Variants in ACTR3 observed in about 807,000 individuals in gnomAD.
The protein encoded by ACTR3 is actin related protein 3.
A neutral mutation model predicts 56.8 loss-of-function variants in ACTR3; 12 were observed. That is an observed-to-expected ratio of 0.21 (90% CI 0.14 to 0.34). The LOEUF (loss-of-function observed/expected upper bound fraction) is 0.34. ACTR3 is among the 10% of genes least tolerant of loss of function. The pLI is 1.00. For synonymous variants in ACTR3, 162 were observed against 167.4 expected (o/e 0.97, Z 0.25); for missense variants, 282 against 512.5 (o/e 0.55, Z 4.34).
chr2:113,911,294 G>T (rs1048831582), intron 1 of ACTR3, among the ~76,000 whole-genome samples: 2 of 143,114 alleles, frequency 1.4e-5, no homozygotes, highest in Non-Finnish European at 1.5e-5. Flanking sequence ...TTTGTTTTTC[G>T]TTTTTTTTTT....
rs1047495549 is a variant in ACTR3 at position 113,960,354 on chromosome 2, G to A, written c.*2899G>A. Reference sequence around the variant, plus strand: ...TCAGACCCCCCAATACAATTTTTTGGTTTGTTTTCACAGCTACTTAAAAGA... The same window carrying A: ...TCAGACCCCCCAATACAATTTTTTGATTTGTTTTCACAGCTACTTAAAAGA... On this transcript the variant is annotated 3_prime_UTR_variant, in exon 12 of 12. Transcript: ENST00000263238. The A allele has an allele frequency of 7.9e-5, 12 of 151,874 alleles. No homozygotes were observed. Among genetic ancestry groups the A allele is most frequent in the African/African-American group, 2.4e-4 (10 of 41,488 alleles). The allele number at this position is 151,874 out of a possible 1,614,324, so 9.4% of individuals were successfully genotyped here.
intron 4 of ACTR3, among the ~76,000 whole-genome samples, chr2:113,928,639 T>C (rs1183957972): frequency 6.6e-6 from 1 of 152,196 alleles, no homozygotes; most frequent in Non-Finnish European, 1.5e-5. Flanking sequence ...TCAGCTGTGC[T>C]GTTGTAGCAT....
At chr2:113,923,371 T>C (rs1679548350) in intron 3 of ACTR3, among the ~76,000 whole-genome samples, 1 of 152,034 alleles carries the variant, frequency 6.6e-6, no homozygotes, top group Non-Finnish European at 1.5e-5. Context: ...GGAGCCTGGC[T>C]CTGTCGCCCA....
intron 6 of ACTR3, among the ~76,000 whole-genome samples, chr2:113,935,918 G>A (rs1679816341): frequency 6.6e-6 from 1 of 152,116 alleles, no homozygotes; most frequent in African/African-American, 2.4e-5. Flanking sequence ...AGTACTATCA[G>A]CATGTTGATA....
intron 1 of ACTR3, among the ~76,000 whole-genome samples, chr2:113,908,148 T>C (rs897526645): frequency 7.9e-5 from 12 of 151,936 alleles, no homozygotes; most frequent in Non-Finnish European, 1.6e-4. Context: ...TATTTGAACT[T>C]TGTGTCACTG....
intron 4 of ACTR3, among the ~76,000 whole-genome samples, chr2:113,931,003 C>T (rs750739018): frequency 6.6e-6 from 1 of 152,136 alleles, no homozygotes; most frequent in Non-Finnish European, 1.5e-5. Flanking sequence ...TTCCCTACCT[C>T]CAACCCTCTC....
intron 4 of ACTR3, among the ~76,000 whole-genome samples, chr2:113,928,618 G>A (rs1025059780): frequency 3.3e-5 from 5 of 152,142 alleles, no homozygotes; most frequent in African/African-American, 1.2e-4. Flanking sequence ...AATGGTCCCT[G>A]TCACAGCTAC....
At chr2:113,897,667 T>C (rs976214960) in intron 1 of ACTR3, among the ~76,000 whole-genome samples, 15 of 151,792 alleles carry the variant, frequency 9.9e-5, no homozygotes, top group East Asian at 3.9e-4. Flanking sequence ...GCTGGAATTA[T>C]AGGCACCCGC....
chr2:113,902,375 T>A (rs181581494), intron 1 of ACTR3, among the ~76,000 whole-genome samples: 104 of 151,980 alleles, frequency 6.8e-4, no homozygotes, highest in South Asian at 3.3e-3. Flanking sequence ...TTTTTTTTTT[T>A]ATGTAAAATG....
At chr2:113,898,566 C>T (rs892998518) in intron 1 of ACTR3, among the ~76,000 whole-genome samples, 3 of 152,068 alleles carry the variant, frequency 2.0e-5, no homozygotes, top group East Asian at 3.8e-4. Flanking sequence ...TTCAGTGTTT[C>T]GTTGTAATGC....
intron 4 of ACTR3, among the ~76,000 whole-genome samples, chr2:113,929,278 A>G (rs1448318948): frequency 6.6e-6 from 1 of 151,980 alleles, no homozygotes; most frequent in Non-Finnish European, 1.5e-5. Flanking sequence ...AGTAGCTAGG[A>G]CACACAGGCC....
chr2:113,890,358 A>G (rs1574342656), intron 1 of ACTR3, 35 bp downstream of exon 1: 1 of 868,178 alleles, frequency 1.2e-6, no homozygotes, highest in South Asian at 2.6e-5. Flanking sequence ...GGGGAAACTG[A>G]GGCGGAGGAA....
intron 1 of ACTR3, among the ~76,000 whole-genome samples, chr2:113,907,035 A>C (rs1355621131): frequency 6.6e-6 from 1 of 152,200 alleles, no homozygotes; most frequent in East Asian, 1.9e-4. Flanking sequence ...CGATTTGGGT[A>C]AATAGCTTTC....
intron 1 of ACTR3, among the ~76,000 whole-genome samples, chr2:113,909,173 A>G (rs1261601153): frequency 6.6e-6 from 1 of 152,122 alleles, no homozygotes; most frequent in Non-Finnish European, 1.5e-5. Flanking sequence ...AATACATTAG[A>G]AGTGATTAAA....
intron 1 of ACTR3, among the ~76,000 whole-genome samples, chr2:113,893,959 G>A (rs2104577361): frequency 6.6e-6 from 1 of 152,254 alleles, no homozygotes; most frequent in African/African-American, 2.4e-5. Context: ...CCACAATTCA[G>A]CAATTAGTGC....
intron 3 of ACTR3, among the ~76,000 whole-genome samples, chr2:113,920,026 C>T (rs576648302): frequency 1.3e-5 from 2 of 152,272 alleles, no homozygotes; most frequent in African/African-American, 2.4e-5. Flanking sequence ...TGGGTTCAGG[C>T]GATTCTCCTG....
At chr2:113,890,812 GC>G in intron 1 of ACTR3, 2 of 995,492 alleles carry the variant, frequency 2.0e-6, no homozygotes, top group Non-Finnish European at 2.4e-6. Flanking sequence ...ACAACATTCT[GC>G]CCAGGGTGTG....
intron 4 of ACTR3, among the ~76,000 whole-genome samples, chr2:113,930,714 A>T (rs1314562247): frequency 6.6e-6 from 1 of 152,176 alleles, no homozygotes; most frequent in Non-Finnish European, 1.5e-5. Context: ...TTAACCTGTG[A>T]GGTTTCTAAG....
intron 8 of ACTR3, among the ~76,000 whole-genome samples, chr2:113,949,120 A>G (rs1052955759): frequency 5.3e-5 from 8 of 151,146 alleles, no homozygotes; most frequent in Non-Finnish European, 1.0e-4. Context: ...GCTCACACCT[A>G]TAATCCCAGC....
Sources: allele counts gnomAD v4.1 joint callset (sites outside exome capture counted in the v4.1 genomes callset), GRCh38; gene constraint gnomAD v4.1.1; transcripts MANE v1.5; gene names NCBI Gene and HGNC (gene_info 2026-07-23, HGNC 2026-07-21).